The following ARL8B variants were observed in gnomAD, a reference collection of about 807,000 sequenced individuals.
ARL8B encodes the protein ARF like GTPase 8B.
In ARL8B, 9 loss-of-function variants were observed where a neutral mutation model predicts 30.6. The ratio of observed to expected loss-of-function variants is 0.29; its 90% CI spans 0.18 to 0.51. The LOEUF (loss-of-function observed/expected upper bound fraction) is 0.51, where lower values mean the gene tolerates loss of function less well. Ranked by LOEUF, ARL8B falls within the 20% of genes least tolerant of loss-of-function variation. The pLI is 0.97. For synonymous variants in ARL8B, 74 were observed against 76.0 expected, an observed-to-expected ratio of 0.97 and a Z score of 0.14; for missense variants, 130 against 227.2, an observed-to-expected ratio of 0.57 and a Z score of 2.75.
At chr3:5,175,019 T>C (rs1575576265) in intron 6 of ARL8B, among the ~76,000 whole-genome samples, 1 of 151,998 alleles carries the variant, frequency 6.6e-6, no homozygotes, top group South Asian at 2.1e-4. Flanking sequence ...CAAGCTGGTC[T>C]TGAACTCCTG....
At chr3:5,176,020 G>T (rs1167129796) in intron 6 of ARL8B, among the ~76,000 whole-genome samples, 1 of 152,066 alleles carries the variant, frequency 6.6e-6, no homozygotes, top group South Asian at 2.1e-4. Flanking sequence ...AGCATAGTAT[G>T]GTTACAGAAT....
At chr3:5,142,705 G>C (rs1008348893) in intron 1 of ARL8B, among the ~76,000 whole-genome samples, 4 of 152,006 alleles carry the variant, frequency 2.6e-5, no homozygotes, top group East Asian at 1.9e-4. Context: ...TGTTTATTAG[G>C]GTCTGGAGTT....
chr3:5,128,767 A>G (rs1162992210), intron 1 of ARL8B, among the ~76,000 whole-genome samples: 1 of 152,256 alleles, frequency 6.6e-6, no homozygotes, highest in Admixed American at 6.5e-5. Flanking sequence ...TCTACCATCC[A>G]AGATTAACTA....
At chr3:5,124,147 G>A (rs368373119) in intron 1 of ARL8B, among the ~76,000 whole-genome samples, 55 of 152,022 alleles carry the variant, frequency 3.6e-4, no homozygotes, top group African/African-American at 1.3e-3. Flanking sequence ...GGGATTGCAG[G>A]TGTGAGCCAC....
At chr3:5,161,306 AG>A (rs376764114) in intron 1 of ARL8B, among the ~76,000 whole-genome samples, 1 of 152,170 alleles carries the variant, frequency 6.6e-6, no homozygotes, top group African/African-American at 2.4e-5. Flanking sequence ...CATCAAAAAA[AG>A]ACAAAACAAA....
chr3:5,151,728 C>T (rs558638729), intron 1 of ARL8B, among the ~76,000 whole-genome samples: 4 of 128,492 alleles, frequency 3.1e-5, no homozygotes, highest in East Asian at 2.2e-4. Flanking sequence ...CCCACCCCCC[C>T]CCTTGGAGAT....
intron 1 of ARL8B, among the ~76,000 whole-genome samples, chr3:5,169,402 T>C (rs766678173): frequency 6.6e-6 from 1 of 152,116 alleles, no homozygotes; most frequent in Non-Finnish European, 1.5e-5. Context: ...CTTTTGAGTG[T>C]ATATTCAGAA....
chr3:5,139,403 A>T (rs1191752026), intron 1 of ARL8B, among the ~76,000 whole-genome samples: 1 of 152,172 alleles, frequency 6.6e-6, no homozygotes, highest in Non-Finnish European at 1.5e-5. Context: ...TGTGGAACAG[A>T]ATTTTAGGGG....
intron 1 of ARL8B, among the ~76,000 whole-genome samples, chr3:5,147,545 CTCTATG>C (rs1447883079): frequency 6.6e-6 from 1 of 152,110 alleles, no homozygotes; most frequent in African/African-American, 2.4e-5. Context: ...TCCCTTCTTT[CTCTATG>C]TCAGAATCTA....
intron 1 of ARL8B, chr3:5,157,789 T>C (rs1410067828): frequency 6.6e-6 from 1 of 152,208 alleles, no homozygotes; most frequent in Non-Finnish European, 1.5e-5. Context: ...AATCTCCTCT[T>C]GGAGCTTTAT....
At chr3:5,126,355 T>G (rs2054229959) in intron 1 of ARL8B, among the ~76,000 whole-genome samples, 1 of 152,234 alleles carries the variant, frequency 6.6e-6, no homozygotes, top group Non-Finnish European at 1.5e-5. Flanking sequence ...GAGTACTATG[T>G]GTCACTCTAG....
Position 5,180,218 on chromosome 3 carries a change from T to C in ARL8B, c.*1505T>C, listed in dbSNP as rs571471384. On this transcript the variant is annotated 3_prime_UTR_variant, in exon 7 of 7. Coordinates refer to ENST00000256496, the MANE Select transcript of ARL8B (RefSeq NM_018184.3). ...TAGACTGCCATGGCCTTAAAAATAT[T>C]CTGTACAATATACTGCACTGTGTTG... 1.3e-5 allele frequency: 2 copies of C among 152,796 alleles called. No individual in the cohort carries two copies. The highest frequency in any genetic ancestry group is 3.9e-4 in the East Asian group (2 of 5,186). 9.5% of individuals were successfully genotyped at this position (152,796 alleles called of 1,614,324 possible). A position where few individuals can be genotyped will look rare whatever the true frequency, so the allele number is the denominator to read the frequency against.
At chr3:5,160,282 G>C (rs1416591245) in intron 1 of ARL8B, among the ~76,000 whole-genome samples, 1 of 152,164 alleles carries the variant, frequency 6.6e-6, no homozygotes, top group Non-Finnish European at 1.5e-5. Flanking sequence ...TGAAACTGCT[G>C]GTTGGTTGAC....
intron 1 of ARL8B, among the ~76,000 whole-genome samples, chr3:5,141,772 A>C (rs921369499): frequency 1.3e-5 from 2 of 152,180 alleles, no homozygotes; most frequent in Admixed American, 1.3e-4. Flanking sequence ...TATTACGTCT[A>C]GTGCAAGCCT....
intron 1 of ARL8B, among the ~76,000 whole-genome samples, chr3:5,164,079 T>C (rs571899603): frequency 2.6e-5 from 4 of 152,168 alleles, no homozygotes; most frequent in South Asian, 4.1e-4. Context: ...CCTGCACATA[T>C]GAAAAGTTGT....
chr3:5,167,662 A>G (rs2054635583), intron 1 of ARL8B, among the ~76,000 whole-genome samples: 1 of 152,250 alleles, frequency 6.6e-6, no homozygotes, highest in African/African-American at 2.4e-5. Context: ...TGAGAAATGA[A>G]GATAATGCTA....
chr3:5,170,687 T>A, intron 2 of ARL8B, 104 bp downstream of exon 2: 3 of 741,394 alleles, frequency 4.0e-6, no homozygotes, highest in Non-Finnish European at 6.6e-6. Context: ...AGTTTTTCAG[T>A]AATGAATGTG....
intron 1 of ARL8B, among the ~76,000 whole-genome samples, chr3:5,140,109 G>C (rs1013823902): frequency 6.7e-6 from 1 of 148,872 alleles, no homozygotes; most frequent in Non-Finnish European, 1.5e-5. Flanking sequence ...TCCTCACTTT[G>C]GGGAGCGTGT....
At chr3:5,150,495 G>A (rs541349246) in intron 1 of ARL8B, among the ~76,000 whole-genome samples, 9 of 86,472 alleles carry the variant, frequency 1.0e-4, no homozygotes, top group African/African-American at 3.5e-4. Flanking sequence ...AATAAATAAA[G>A]TTTGGAGCCA....
Sources: allele counts gnomAD v4.1 joint callset (sites outside exome capture counted in the v4.1 genomes callset), GRCh38; gene constraint gnomAD v4.1.1; transcripts MANE v1.5; gene names NCBI Gene and HGNC (gene_info 2026-07-23, HGNC 2026-07-21).